Variants in PRKCB observed in about 807,000 individuals in gnomAD.
PRKCB encodes protein kinase C beta type.
In PRKCB, 13 loss-of-function variants were observed where a neutral mutation model predicts 81.5. The observed-to-expected ratio is 0.16, with a 90% confidence interval of 0.10 to 0.25. PRKCB has a LOEUF of 0.25. Ranked by LOEUF, PRKCB falls within the 10% of genes least tolerant of loss-of-function variation. The pLI is 1.00. For missense variants in PRKCB, 509 were observed against 875.7 expected (o/e 0.58, Z 5.29); for synonymous variants, 335 against 321.4 (o/e 1.04, Z -0.45).
intron 2 of PRKCB, among the ~76,000 whole-genome samples, chr16:23,892,041 T>G (rs1020538312): frequency 1.3e-5 from 2 of 152,114 alleles, no homozygotes; most frequent in African/African-American, 4.8e-5. Context: ...TGTGTGCAAA[T>G]TGGGAGACGG....
rs901514855 is a variant in PRKCB at position 23,944,447 on chromosome 16, A to G, written c.206-44061A>G. On this transcript the variant is annotated intron_variant, in intron 2 of 16. Coordinates refer to ENST00000643927, the MANE Select transcript of PRKCB (RefSeq NM_002738.7). ...TTATTCACCCTGCTGTGGGGGAGTCAGAATGACAAATGCTTGAATCATCAA... is the reference window on the plus strand; with the variant it reads ...TTATTCACCCTGCTGTGGGGGAGTCGGAATGACAAATGCTTGAATCATCAA... Among the ~76,000 whole-genome samples, 5 of 152,264 alleles carry G rather than the reference A, an allele frequency of 3.3e-5. No individual in the cohort carries two copies. The East Asian group carries it at 9.6e-4, about 29-fold the overall frequency.
At chr16:24,213,883 G>T (rs1968183682) in intron 16 of PRKCB, among the ~76,000 whole-genome samples, 1 of 152,194 alleles carries the variant, frequency 6.6e-6, no homozygotes, top group Admixed American at 6.5e-5. Flanking sequence ...CCAGCAGGAT[G>T]GGTGAGAAAT....
intron 2 of PRKCB, among the ~76,000 whole-genome samples, chr16:23,858,176 T>A (rs1962603788): frequency 6.6e-6 from 1 of 152,240 alleles, no homozygotes; most frequent in African/African-American, 2.4e-5. Flanking sequence ...TTTATCCCTT[T>A]GAATCTTTAC....
At chr16:24,109,929 A>C in intron 7 of PRKCB, among the ~76,000 whole-genome samples, 1 of 125,406 alleles carries the variant, frequency 8.0e-6, no homozygotes, top group Non-Finnish European at 1.6e-5. Flanking sequence ...ACACAGCGAA[A>C]CCCCGTCTCC....
chr16:24,220,164 C>G lies in PRKCB; in HGVS notation c.*5348C>G. 6.3e-7 allele frequency: 1 copy of G among 1,599,076 alleles called. No individual in the cohort carries two copies. The highest frequency in any genetic ancestry group is 8.6e-7 in the Non-Finnish European group (1 of 1,169,152). ...CTGGGGTGTAAGACTTCAAGCCAAG[C>G]GTATGTATCAATTCTAGTCTTCCAG... On this transcript the variant is annotated 3_prime_UTR_variant, in exon 17 of 17. Transcript: ENST00000643927.
intron 3 of PRKCB, among the ~76,000 whole-genome samples, chr16:24,008,966 C>G (rs1366165971): frequency 2.6e-5 from 4 of 152,120 alleles, no homozygotes; most frequent in Non-Finnish European, 4.4e-5. Context: ...TTTCCTGTGA[C>G]TAGTGTTTTT....
intron 16 of PRKCB, among the ~76,000 whole-genome samples, chr16:24,212,402 TAAA>T (rs35650101): frequency 0.046 from 4,443 of 97,106 alleles, 370 homozygotes; most frequent in African/African-American, 0.17. Context: ...TTCTGTGCTT[TAAA>T]AAAAAAAAAA....
At chr16:24,069,979 G>A (rs948631802) in intron 5 of PRKCB, among the ~76,000 whole-genome samples, 1 of 152,042 alleles carries the variant, frequency 6.6e-6, no homozygotes. Flanking sequence ...GGGCTATGGC[G>A]TCACCACTGT....
intron 3 of PRKCB, among the ~76,000 whole-genome samples, chr16:23,993,362 G>T (rs1964913521): frequency 2.6e-5 from 4 of 152,148 alleles, no homozygotes; most frequent in Admixed American, 1.3e-4. Context: ...AGTTTAGCTG[G>T]TTGGCTGAAA....
chr16:23,858,012 A>G (rs77386599), intron 2 of PRKCB, among the ~76,000 whole-genome samples: 1,989 of 152,264 alleles, frequency 0.013, 47 homozygotes, highest in African/African-American at 0.043. Context: ...AATTTTTCCA[A>G]AGTTACAGTT....
At chr16:24,193,564 C>G (rs993001146) in intron 16 of PRKCB, among the ~76,000 whole-genome samples, 1 of 152,170 alleles carries the variant, frequency 6.6e-6, no homozygotes, top group Non-Finnish European at 1.5e-5. Context: ...CTCCAAAAAC[C>G]TCAGCCTCCC....
At chr16:24,189,970 C>T (rs1265875112) in intron 15 of PRKCB, among the ~76,000 whole-genome samples, 1 of 152,082 alleles carries the variant, frequency 6.6e-6, no homozygotes, top group African/African-American at 2.4e-5. Context: ...TCTTTACTCC[C>T]TGTGCATTTG....
intron 2 of PRKCB, among the ~76,000 whole-genome samples, chr16:23,860,535 A>G (rs1962648437): frequency 6.6e-6 from 1 of 152,176 alleles, no homozygotes; most frequent in Non-Finnish European, 1.5e-5. Context: ...GGTGGCACTC[A>G]AAGATTTTTA....
intron 2 of PRKCB, among the ~76,000 whole-genome samples, chr16:23,882,054 C>CTTCCTTCCTTCT (rs1963131128): frequency 1.1e-5 from 1 of 89,192 alleles, no homozygotes. Context: ...TCCTTCCTTC[C>CTTCCTTCCTTCT]TTCTTCCTTT....
At chr16:24,175,940 C>T (rs1173114162) in intron 12 of PRKCB, among the ~76,000 whole-genome samples, 1 of 149,160 alleles carries the variant, frequency 6.7e-6, no homozygotes. Flanking sequence ...CTACTGCATT[C>T]CAGCCTGCGT....
chr16:24,029,216 G>A (rs1189605902), intron 3 of PRKCB, among the ~76,000 whole-genome samples: 2 of 152,212 alleles, frequency 1.3e-5, no homozygotes, highest in African/African-American at 2.4e-5. Context: ...AACTCTGGTA[G>A]GTATGTGATA....
chr16:24,210,555 G>T (rs1968124224), intron 16 of PRKCB, among the ~76,000 whole-genome samples: 2 of 150,926 alleles, frequency 1.3e-5, no homozygotes. Context: ...CTGGAGTGCA[G>T]TGGCTTGATC....
At chr16:23,972,115 T>G (rs1964564933) in intron 2 of PRKCB, among the ~76,000 whole-genome samples, 1 of 152,200 alleles carries the variant, frequency 6.6e-6, no homozygotes, top group Admixed American at 6.5e-5. Context: ...AAAGATGAAC[T>G]AACTGCTAAT....
At position 24,168,541 on chromosome 16, in the gene PRKCB, C is replaced by CTTTTTTTTTTTTTTTT. The variant is rs56671761; in HGVS notation, c.1240-3715_1240-3700dup. Among the ~76,000 whole-genome samples the CTTTTTTTTTTTTTTTT allele has an allele frequency of 4.8e-4, 37 of 76,388 alleles. 9 individuals carry two copies. The highest frequency in any genetic ancestry group is 1.1e-3 in the South Asian group (2 of 1,818). The allele number at this position is 76,388 out of a possible 152,430, so 50.1% of individuals were successfully genotyped here. On this transcript the variant is annotated intron_variant, in intron 10 of 16. Coordinates refer to ENST00000643927, the MANE Select transcript of PRKCB (RefSeq NM_002738.7). ...TTCATTATTTTTCTTTCTTCTTCTACTTTTTTTTTTTTTTTTTTTTTTTTT... is the reference window on the plus strand; with the variant it reads ...TTCATTATTTTTCTTTCTTCTTCTACTTTTTTTTTTTTTTTTTTTTTTTTTTTTTTTTTTTTTTTTT...
Sources: allele counts gnomAD v4.1 joint callset (sites outside exome capture counted in the v4.1 genomes callset), GRCh38; gene constraint gnomAD v4.1.1; transcripts MANE v1.5; gene names NCBI Gene and HGNC (gene_info 2026-07-23, HGNC 2026-07-21).